Variants in ACSM2A observed in about 807,000 individuals in gnomAD.
The protein encoded by ACSM2A is acyl-CoA synthetase medium chain family member 2A, also known as acyl-coenzyme A synthetase ACSM2A, mitochondrial.
A neutral mutation model predicts 76.6 loss-of-function variants in ACSM2A; 72 were observed. That is an observed-to-expected ratio of 0.94 (90% CI 0.78 to 1.14). The LOEUF is 1.14. Ranked by LOEUF, ACSM2A falls within the 50% of genes most tolerant of loss-of-function variation. ACSM2A has a pLI of 0.00. For synonymous variants in ACSM2A, 249 were observed against 255.9 expected, an observed-to-expected ratio of 0.97 and a Z score of 0.26; for missense variants, 684 against 708.5, an observed-to-expected ratio of 0.97 and a Z score of 0.39.
chr16:20,464,026 C>T (rs1269963624), intron 2 of ACSM2A, among the ~76,000 whole-genome samples: 1 of 152,250 alleles, frequency 6.6e-6, no homozygotes, highest in East Asian at 1.9e-4. Context: ...CACAATGCAG[C>T]CAAGTTCTTT....
chr16:20,477,600 G>A, intron 9 of ACSM2A, 151 bp downstream of exon 9: 2 of 1,401,970 alleles, frequency 1.4e-6, no homozygotes, highest in South Asian at 1.9e-5. Flanking sequence ...GTTGGGGGAA[G>A]GAAAGAGTGA....
intron 10 of ACSM2A, among the ~76,000 whole-genome samples, chr16:20,479,674 G>A (rs1217989496): frequency 6.6e-6 from 1 of 152,188 alleles, no homozygotes; most frequent in African/African-American, 2.4e-5. Context: ...TTTCCTTTGT[G>A]TGGTCCCACT....
At chr16:20,482,942 G>A (rs1178086154) in intron 12 of ACSM2A, 116 bp from the exon 13 acceptor site, 17 of 1,475,038 alleles carry the variant, frequency 1.2e-5, no homozygotes, top group African/African-American at 4.2e-5. Flanking sequence ...CTGGATCACC[G>A]GGGGTGCAAA....
intron 13 of ACSM2A, among the ~76,000 whole-genome samples, chr16:20,485,843 C>A (rs150149331): frequency 6.6e-6 from 1 of 152,316 alleles, no homozygotes; most frequent in East Asian, 1.9e-4. Flanking sequence ...AACACTTAAA[C>A]CAATGGCATG....
chr16:20,467,871 G>A (rs2013109357), intron 3 of ACSM2A, among the ~76,000 whole-genome samples: 1 of 152,004 alleles, frequency 6.6e-6, no homozygotes, highest in African/African-American at 2.4e-5. Flanking sequence ...GTATCAAAAA[G>A]AACCCCAAGA....
intron 8 of ACSM2A, 109 bp downstream of exon 8, chr16:20,475,882 T>G: frequency 1.3e-6 from 2 of 1,553,778 alleles, no homozygotes; most frequent in Non-Finnish European, 1.7e-6. Flanking sequence ...ATTCGAGAAG[T>G]ATTTATTGAG....
At position 20,471,594 on chromosome 16, in the gene ACSM2A, C is replaced by T; in HGVS notation, c.799C>T (p.Leu267=). 1 of 1,614,064 alleles carries T rather than the reference C, an allele frequency of 6.2e-7. No homozygotes were observed. Among genetic ancestry groups the T allele is most frequent in the Non-Finnish European group, 8.5e-7 (1 of 1,179,952 alleles). Residue 267 remains leucine (L), a synonymous_variant, in exon 6 of 14, where the codon CTG becomes TTG. Transcript: ENST00000573854. ...GACCATATCAGACACAGGTTGGATACTGAACATCTTGTGCTCACTTATGGA... is the reference window on the plus strand; with the variant it reads ...GACCATATCAGACACAGGTTGGATATTGAACATCTTGTGCTCACTTATGGA... ...MWTISDTGWI[L]NILCSLMEPW...
rs141326932 is a variant in ACSM2A, at chr16:20,465,616, G to C, written c.277G>C (p.Ala93Pro). Residue 93 changes from alanine (A) to proline (P), a missense_variant, in exon 3 of 14, where the codon GCA (alanine) becomes CCA (proline). Transcript: ENST00000573854. Reference sequence around the variant, plus strand: ...AGAACTGAGTGAAAACAGCCAGCAGGCAGCCAACGTCCTCTCGGGAGCCTG... The same window carrying C: ...AGAACTGAGTGAAAACAGCCAGCAGCCAGCCAACGTCCTCTCGGGAGCCTG... ...FRELSENSQQ[A>P]ANVLSGACGL... The C allele has an allele frequency of 1.2e-6, 2 of 1,613,892 alleles. No homozygotes were observed. Among genetic ancestry groups the C allele is most frequent in the African/African-American group, 2.7e-5 (2 of 74,930 alleles).
intron 3 of ACSM2A, 129 bp downstream of exon 3, chr16:20,465,856 A>G: frequency 6.9e-7 from 1 of 1,439,658 alleles, no homozygotes; most frequent in Non-Finnish European, 9.2e-7. Flanking sequence ...ATATGAAGAA[A>G]GACATCTCCC....
chr16:20,479,454 G>A (rs1423531606), intron 10 of ACSM2A, among the ~76,000 whole-genome samples: 2 of 152,068 alleles, frequency 1.3e-5, no homozygotes, highest in East Asian at 1.9e-4. Context: ...CAGTTTGCTC[G>A]AGTTCAAAAC....
In ACSM2A at chr16:20,460,192, T is replaced by C. The variant is rs1392646733; in HGVS notation, c.78T>C (p.Asn26=). 1 of 1,613,488 alleles carries C rather than the reference T, an allele frequency of 6.2e-7. No individual in the cohort carries two copies. ...TGTCCAGCCGCACTCTCTACATTAA[T>C]AGTAGGCAACTGGTGTCCCTGCAGT... ...TQMSSRTLYI[N]SRQLVSLQWG... is the part of the protein sequence containing the mutation. Residue 26 remains asparagine, a synonymous_variant, in exon 2 of 14, where the codon AAT becomes AAC. Transcript: ENST00000573854.
intron 6 of ACSM2A, among the ~76,000 whole-genome samples, chr16:20,474,736 C>T (rs2013622827): frequency 6.6e-6 from 1 of 152,196 alleles, no homozygotes. Flanking sequence ...CCTTGTACAT[C>T]ATGGGTTTCC....
chr16:20,466,120 T>G (rs1014783058), intron 3 of ACSM2A, among the ~76,000 whole-genome samples: 2 of 151,176 alleles, frequency 1.3e-5, no homozygotes, highest in Non-Finnish European at 3.0e-5. Context: ...TAAATAAAGT[T>G]TTATTATAAC....
chr16:20,464,227 C>T (rs1404833969), intron 2 of ACSM2A, among the ~76,000 whole-genome samples: 5 of 152,194 alleles, frequency 3.3e-5, no homozygotes, highest in Non-Finnish European at 5.9e-5. Context: ...CCAAACTCTT[C>T]GATTTCTTCC....
At chr16:20,467,870 A>G (rs1273429956) in intron 3 of ACSM2A, among the ~76,000 whole-genome samples, 2 of 152,134 alleles carry the variant, frequency 1.3e-5, no homozygotes, top group African/African-American at 4.8e-5. Context: ...GGTATCAAAA[A>G]GAACCCCAAG....
intron 9 of ACSM2A, among the ~76,000 whole-genome samples, chr16:20,477,796 T>C (rs1242538307): frequency 7.2e-5 from 11 of 152,218 alleles, no homozygotes; most frequent in Non-Finnish European, 1.6e-4. Context: ...TAAGGATCTT[T>C]TCAGTTCAAT....
chr16:20,461,834 C>T (rs193272313), intron 2 of ACSM2A, among the ~76,000 whole-genome samples: 13 of 152,222 alleles, frequency 8.5e-5, no homozygotes, highest in African/African-American at 3.1e-4. Context: ...TATCACAAGA[C>T]ATCTTAGTGG....
intron 1 of ACSM2A, among the ~76,000 whole-genome samples, chr16:20,456,836 T>C (rs536035182): frequency 6.8e-4 from 92 of 135,298 alleles, no homozygotes; most frequent in African/African-American, 2.6e-3. Flanking sequence ...GATAAAAAAA[T>C]ACAAAAGATA....
intron 13 of ACSM2A, among the ~76,000 whole-genome samples, chr16:20,483,713 A>G (rs945924577): frequency 1.3e-5 from 2 of 151,928 alleles, no homozygotes; most frequent in African/African-American, 4.8e-5. Flanking sequence ...CAAGGGAATA[A>G]GTTCTAGCCA....
Sources: allele counts gnomAD v4.1 joint callset (sites outside exome capture counted in the v4.1 genomes callset), GRCh38; gene constraint gnomAD v4.1.1; transcripts MANE v1.5; gene names NCBI Gene and HGNC (gene_info 2026-07-23, HGNC 2026-07-21).